The following ANKS1B variants were observed in gnomAD, a reference collection of about 807,000 sequenced individuals.
ANKS1B encodes ankyrin repeat and sterile alpha motif domain containing 1B.
A neutral mutation model predicts 148.3 loss-of-function variants in ANKS1B; 36 were observed. The observed-to-expected ratio is 0.24, with a 90% CI of 0.19 to 0.32. The LOEUF (loss-of-function observed/expected upper bound fraction) is 0.32. Among genes scored for constraint, ANKS1B ranks in the 10% least tolerant of loss-of-function variants. The probability of loss-of-function intolerance (pLI) is 1.00; values close to 1 mark genes in which losing one functional copy is unlikely to be tolerated. For synonymous variants in ANKS1B, 542 were observed against 560.8 expected (o/e 0.97, Z 0.47); for missense variants, 1,157 against 1,542.6 (o/e 0.75, Z 4.19).
At chr12:98,936,490 G>A (rs146471022) in intron 17 of ANKS1B, among the ~76,000 whole-genome samples, 1 of 152,216 alleles carries the variant, frequency 6.6e-6, no homozygotes, top group African/African-American at 2.4e-5. Flanking sequence ...AGCCGGGCGT[G>A]GTGGCAGTTG....
intron 15 of ANKS1B, among the ~76,000 whole-genome samples, chr12:99,115,028 C>G (rs897755127): frequency 6.6e-6 from 1 of 152,126 alleles, no homozygotes; most frequent in Non-Finnish European, 1.5e-5. Flanking sequence ...ACGATGGGAT[C>G]ATAAATTTGT....
intron 12 of ANKS1B, among the ~76,000 whole-genome samples, chr12:99,351,003 C>T (rs2091350420): frequency 6.6e-6 from 1 of 152,074 alleles, no homozygotes; most frequent in Admixed American, 6.6e-5. Flanking sequence ...AACTATCTCC[C>T]TTATAGTAAT....
chr12:99,790,652 T>A (rs1182768457), intron 4 of ANKS1B, among the ~76,000 whole-genome samples: 5 of 152,126 alleles, frequency 3.3e-5, no homozygotes, highest in Non-Finnish European at 7.4e-5. Flanking sequence ...TAGTTTTCTT[T>A]TTGTGTGTTT....
intron 17 of ANKS1B, among the ~76,000 whole-genome samples, chr12:99,018,018 G>A (rs1018802550): frequency 1.4e-4 from 22 of 152,180 alleles, no homozygotes; most frequent in African/African-American, 5.3e-4. Flanking sequence ...TGTGACTTAT[G>A]TTTTTCCTGG....
chr12:99,357,184 G>A (rs1365839169), intron 12 of ANKS1B, among the ~76,000 whole-genome samples: 1 of 151,842 alleles, frequency 6.6e-6, no homozygotes, highest in African/African-American at 2.4e-5. Context: ...TTTGGATTCA[G>A]CTTTATTCAT....
intron 25 of ANKS1B, among the ~76,000 whole-genome samples, chr12:98,760,976 T>C (rs1320646961): frequency 6.6e-6 from 1 of 152,220 alleles, no homozygotes; most frequent in African/African-American, 2.4e-5. Context: ...TGATATTGCC[T>C]ACTACATCCT....
chr12:98,854,268 G>C lies in ANKS1B; in HGVS notation c.2779-22132C>G, dbSNP rs569865355. On this transcript the variant is annotated intron_variant, in intron 17 of 26. Coordinates refer to ENST00000683438, the MANE Select transcript of ANKS1B (RefSeq NM_001352186.2). Reference sequence around the variant, plus strand: ...CGACTCCTAGGGGAAACCAGCCACGGGTGGGAATAGAAACTACTCCAGGAA... The same window carrying C: ...CGACTCCTAGGGGAAACCAGCCACGCGTGGGAATAGAAACTACTCCAGGAA... 2.1e-4 allele frequency among the ~76,000 whole-genome samples: 32 copies of C among 152,350 alleles called. 1 individual carries two copies. The South Asian group carries it at 3.7e-3, about 18-fold the overall frequency.
At chr12:99,689,401 G>T (rs2098667229) in intron 8 of ANKS1B, among the ~76,000 whole-genome samples, 1 of 152,136 alleles carries the variant, frequency 6.6e-6, no homozygotes. Context: ...CGTGTGGCAG[G>T]CAGAATTTTA....
chr12:99,902,355 G>T (rs563550331), intron 1 of ANKS1B, among the ~76,000 whole-genome samples: 2 of 152,140 alleles, frequency 1.3e-5, no homozygotes, highest in Non-Finnish European at 2.9e-5. Flanking sequence ...AAGTGAGAAG[G>T]GGGTAAAATA....
In ANKS1B at chr12:99,549,444, G is replaced by C. The variant is rs115672122; in HGVS notation, c.1273-44803C>G. ...GTATTCATGAAAACCAACAGAATTT[G>C]CTAAATTAAGTTATGCTAAGATGAA... On this transcript the variant is annotated intron_variant, in intron 9 of 26. Transcript: ENST00000683438. Among the ~76,000 whole-genome samples the C allele has an allele frequency of 1.9e-3, 288 of 152,242 alleles. 1 individual carries two copies. Among genetic ancestry groups the C allele is most frequent in the African/African-American group, 6.7e-3 (279 of 41,548 alleles).
intron 9 of ANKS1B, among the ~76,000 whole-genome samples, chr12:99,592,676 A>G (rs1323489227): frequency 6.6e-6 from 1 of 152,116 alleles, no homozygotes; most frequent in East Asian, 1.9e-4. Flanking sequence ...TTTCAATGAA[A>G]AGAGTCAAAC....
At chr12:99,690,967 T>A (rs2098676093) in intron 8 of ANKS1B, among the ~76,000 whole-genome samples, 1 of 143,166 alleles carries the variant, frequency 7.0e-6, no homozygotes, top group Non-Finnish European at 1.5e-5. Context: ...CATCCAGGCA[T>A]TTCCCTACAT....
At chr12:99,052,319 A>G (rs889645783) in intron 17 of ANKS1B, among the ~76,000 whole-genome samples, 1 of 152,256 alleles carries the variant, frequency 6.6e-6, no homozygotes. Flanking sequence ...TAAAACAGAG[A>G]CAACGTAAGA....
chr12:99,246,413 A>T lies in ANKS1B; in HGVS notation c.2208T>A (p.Ser736=). 1 of 1,613,958 alleles carries T rather than the reference A, an allele frequency of 6.2e-7. No individual in the cohort carries two copies. Among genetic ancestry groups the T allele is most frequent in the South Asian group, 1.1e-5 (1 of 91,076 alleles). The part of the protein sequence containing the change: ...LIDMHLSKSV[S]KSDSDLIAYP... ...AGGCAATGAGATCAGAATCAGATTT[A>T]GAGACACTTTTTGACAAATGCATGT... The change falls in exon 13 of 27, where the codon TCT becomes TCA. Residue 736 remains serine, a synonymous_variant. Transcript: ENST00000683438.
intron 4 of ANKS1B, among the ~76,000 whole-genome samples, chr12:99,794,088 C>T (rs918695259): frequency 6.6e-6 from 1 of 152,070 alleles, no homozygotes. Context: ...CATCATTGAT[C>T]ATCGGAGAAA....
rs60683713 is a variant in ANKS1B at position 99,284,635 on chromosome 12, C to T, written c.1757-37771G>A. ...ATGACAAAAGCTTTTCAACCAGTCT[C>T]TTCATTGCTTCTGTTGCTCTTCTGT... On this transcript the variant is annotated intron_variant, in intron 12 of 26. Transcript: ENST00000683438. Among the ~76,000 whole-genome samples the T allele has an allele frequency of 4.3e-3, 661 of 152,260 alleles. 25 individuals are homozygous for T. In the East Asian group the frequency reaches 0.069, roughly 16 times the overall value.
At position 99,246,580 on chromosome 12, in the gene ANKS1B, G is replaced by T. The variant is rs775656365; in HGVS notation, c.2041C>A (p.Leu681Ile). ...GTGCCAACAATGGTATGGTTTTCGA[G>T]TTGGTTGCTTTTTTTGTGAAAAATT... The part of the protein sequence containing the change: ...RTIFHKKSNQ[L>I]ENHTIVGTRS... Residue 681 changes from leucine to isoleucine, a missense_variant, in exon 13 of 27, where the codon CTC becomes ATC. Leu to Ile is a conservative substitution (Grantham distance 5). Coordinates refer to ENST00000683438, the MANE Select transcript of ANKS1B (RefSeq NM_001352186.2). 1 of 1,613,668 alleles carries T rather than the reference G, an allele frequency of 6.2e-7. No homozygotes were observed. Among genetic ancestry groups the T allele is most frequent in the South Asian group, 1.1e-5 (1 of 91,080 alleles).
At chr12:99,479,419 C>T (rs1049204738) in intron 10 of ANKS1B, among the ~76,000 whole-genome samples, 46 of 151,926 alleles carry the variant, frequency 3.0e-4, no homozygotes, top group African/African-American at 1.1e-3. Flanking sequence ...AATTTATCAA[C>T]ATTAATAAAG....
At chr12:99,326,644 A>G (rs1156941746) in intron 12 of ANKS1B, among the ~76,000 whole-genome samples, 1 of 152,074 alleles carries the variant, frequency 6.6e-6, no homozygotes, top group Non-Finnish European at 1.5e-5. Context: ...TTGTTACGTA[A>G]AAAGTGCCTT....
Sources: allele counts gnomAD v4.1 joint callset (sites outside exome capture counted in the v4.1 genomes callset), GRCh38; gene constraint gnomAD v4.1.1; transcripts MANE v1.5; gene names NCBI Gene and HGNC (gene_info 2026-07-23, HGNC 2026-07-21).